The following MIA3 variants were observed in gnomAD, a reference collection of about 807,000 sequenced individuals.
MIA3 encodes transport and Golgi organization protein 1 homolog.
MIA3 carries 90 observed loss-of-function variants against 192.4 expected under a neutral mutation model. The ratio of observed to expected loss-of-function variants is 0.47; its 90% CI spans 0.39 to 0.56. MIA3 has a LOEUF of 0.56. Ranked by LOEUF, MIA3 falls within the 20% of genes least tolerant of loss-of-function variation. The probability of loss-of-function intolerance (pLI) is 0.00; values close to 1 mark genes in which losing one functional copy is unlikely to be tolerated. For missense variants in MIA3, 2,123 were observed against 2,269.4 expected (o/e 0.94, Z 1.31); for synonymous variants, 740 against 792.8 (o/e 0.93, Z 1.12).
At chr1:222,632,405 G>T (rs1662440038) in intron 5 of MIA3, 79 bp downstream of exon 5, 1 of 1,259,942 alleles carries the variant, frequency 7.9e-7, no homozygotes, top group Non-Finnish European at 1.1e-6. Flanking sequence ...TCAAAGGCAG[G>T]AGCTAGAGAC....
intron 6 of MIA3, among the ~76,000 whole-genome samples, chr1:222,634,286 A>G (rs1441079827): frequency 6.6e-6 from 1 of 151,978 alleles, no homozygotes; most frequent in African/African-American, 2.4e-5. Context: ...GTGCCACTGC[A>G]TTCCAGCCTG....
Position 222,632,275 on chromosome 1 carries a change from CA to C in MIA3, c.3281del (p.His1094LeufsTer55). On this transcript the variant is annotated frameshift_variant, in exon 5 of 28. Transcript: ENST00000344922. LOFTEE classifies it high-confidence loss of function. ...GGACCAACGTGTGATTGGGGACACT[CA>C]TGCCTCAGAAGTGTCACAGAAGCCA... ...HLDQRVIGDTHASEVSQKPNT... is the reference protein window; with the variant it reads ...HLDQRVIGDTXASEVSQKPNT... 6.2e-7 allele frequency: 1 copy of C among 1,614,150 alleles called. No homozygotes were observed. The highest frequency in any genetic ancestry group is 8.5e-7 in the Non-Finnish European group (1 of 1,179,978).
chr1:222,659,654 C>T lies in MIA3; in HGVS notation c.4803C>T (p.Asn1601=). ...CCCATGAGAAGAAAGCTCATGAAAA[C>T]TGGGTAAGATTTCTTTTTTTCTTTC... ...IATHEKKAHE[N]WLKARAAERA... is the part of the protein sequence containing the mutation. The change falls in exon 21 of 28, where the codon AAC becomes AAT. Residue 1601 remains asparagine, a synonymous_variant. Coordinates refer to ENST00000344922, the MANE Select transcript of MIA3 (RefSeq NM_198551.4). The T allele has an allele frequency of 6.2e-7, 1 of 1,613,894 alleles. No homozygotes were observed. Among genetic ancestry groups the T allele is most frequent in the Non-Finnish European group, 8.5e-7 (1 of 1,179,888 alleles).
At position 222,653,003 on chromosome 1, in the gene MIA3, T is replaced by A. The variant is rs746822596; in HGVS notation, c.4087-5T>A. The A allele has an allele frequency of 6.2e-7, 1 of 1,608,976 alleles. No homozygotes were observed. Among genetic ancestry groups the A allele is most frequent in the East Asian group, 2.2e-5 (1 of 44,718 alleles). On this transcript the variant is annotated splice_polypyrimidine_tract_variant and splice_region_variant and intron_variant, in intron 13 of 27. Coordinates refer to ENST00000344922, the MANE Select transcript of MIA3 (RefSeq NM_198551.4). ...CTGTGGGAATCATGTGTTTTAACTT[T>A]GCAGTTGCAGCAGGAAATCGAAGAC...
At position 222,659,737 on chromosome 1, in the gene MIA3, A is replaced by C; in HGVS notation, c.4810A>C (p.Lys1604Gln). 6.2e-7 allele frequency: 1 copy of C among 1,614,120 alleles called. No homozygotes were observed. Among genetic ancestry groups the C allele is most frequent in the Middle Eastern group, 1.6e-4 (1 of 6,062 alleles). The change falls in exon 22 of 28, where the codon AAA becomes CAA. Residue 1604 changes from lysine (K) to glutamine (Q), a missense_variant. By Grantham distance (53) the Lys-to-Gln change is moderately conservative (BLOSUM62 1). Transcript: ENST00000344922. ...HEKKAHENWL[K>Q]ARAAERAIAE... ...TTTGGATATTTTTCTTCAATAGCTCAAAGCTCGTGCTGCAGAAAGAGCTAT... is the reference window on the plus strand; with the variant it reads ...TTTGGATATTTTTCTTCAATAGCTCCAAGCTCGTGCTGCAGAAAGAGCTAT...
chr1:222,663,129 A>G (rs1571912537), intron 26 of MIA3: 2 of 152,236 alleles, frequency 1.3e-5, no homozygotes, highest in South Asian at 4.1e-4. Flanking sequence ...ATAGGAAGTG[A>G]TTAATCAGTA....
chr1:222,662,758 C>G (rs1466009762), intron 26 of MIA3: 1 of 170,960 alleles, frequency 5.8e-6, no homozygotes, highest in African/African-American at 2.4e-5. Context: ...GTGTTTAATG[C>G]TCTTAGGCAA....
At chr1:222,663,074 A>G (rs1664105215) in intron 26 of MIA3, 1 of 152,258 alleles carries the variant, frequency 6.6e-6, no homozygotes, top group African/African-American at 2.4e-5. Context: ...TCGACATTGA[A>G]ATTAAAATAA....
At chr1:222,642,037 G>A (rs1230659677) in intron 6 of MIA3, among the ~76,000 whole-genome samples, 7 of 152,214 alleles carry the variant, frequency 4.6e-5, no homozygotes, top group Non-Finnish European at 1.5e-5. Flanking sequence ...AGAGAAGCCA[G>A]AGAAAATATA....
At chr1:222,635,264 G>A in intron 6 of MIA3, among the ~76,000 whole-genome samples, 1 of 152,154 alleles carries the variant, frequency 6.6e-6, no homozygotes, top group Non-Finnish European at 1.5e-5. Context: ...AAATTTAACA[G>A]CCCCAGTTGT....
chr1:222,659,873 C>T, intron 22 of MIA3, 33 bp from the exon 23 acceptor site: 1 of 1,595,970 alleles, frequency 6.3e-7, no homozygotes, highest in Non-Finnish European at 8.6e-7. Context: ...TCATATTTAA[C>T]TCTTTCTTAA....
At chr1:222,624,747 T>G (rs986735282) in intron 2 of MIA3, 21 bp from the exon 3 acceptor site, 1 of 1,186,220 alleles carries the variant, frequency 8.4e-7, no homozygotes, top group African/African-American at 1.5e-5. Context: ...ATGTGTCCCT[T>G]TTGCCCATTC....
In MIA3 at chr1:222,624,827, C is replaced by G. The variant is rs1444032352; in HGVS notation, c.327C>G (p.Thr109=). ...TAATCCAGGTAGTTCATGAATATAC[C>G]AAAGAAGAGCTACAAGTTCCAACAG... The part of the protein sequence containing the change: ...KDLIQVVHEY[T]KEELQVPTDE... Residue 109 remains threonine, a synonymous_variant, in exon 3 of 28, where the codon ACC becomes ACG. Coordinates refer to ENST00000344922, the MANE Select transcript of MIA3 (RefSeq NM_198551.4). 1 of 1,596,376 alleles carries G rather than the reference C, an allele frequency of 6.3e-7. No homozygotes were observed. The highest frequency in any genetic ancestry group is 1.3e-5 in the African/African-American group (1 of 74,448).
rs1664311391 is a variant in MIA3, at chr1:222,666,786, C to G, written c.*1167C>G. 1 of 152,064 alleles carries G rather than the reference C, an allele frequency of 6.6e-6. No homozygotes were observed. Among genetic ancestry groups the G allele is most frequent in the South Asian group, 2.1e-4 (1 of 4,828 alleles). The allele number at this position is 152,064 out of a possible 1,614,324, so 9.4% of individuals were successfully genotyped here. ...TATTTAAAAATCAGTAACTAACCAT[C>G]TGGAATTGCACCATACTTAAAGTCT... On this transcript the variant is annotated 3_prime_UTR_variant, in exon 28 of 28. Transcript: ENST00000344922.
intron 18 of MIA3, among the ~76,000 whole-genome samples, chr1:222,655,140 C>G (rs1443214892): frequency 6.6e-6 from 1 of 152,186 alleles, no homozygotes; most frequent in Non-Finnish European, 1.5e-5. Flanking sequence ...ATGTAATTTC[C>G]TTTAAACAGT....
chr1:222,629,117 T>A lies in MIA3; in HGVS notation c.1897T>A (p.Ser633Thr). ...TAAAACTCAAAACCAACCTAGATTCTCCTCTCCAGATGAGATTGATTTGCC... is the reference window on the plus strand; with the variant it reads ...TAAAACTCAAAACCAACCTAGATTCACCTCTCCAGATGAGATTGATTTGCC... ...VLKTQNQPRF[S>T]SPDEIDLPRE... Residue 633 changes from serine (S) to threonine (T), a missense_variant, in exon 4 of 28, where the codon TCC (serine) becomes ACC (threonine). Ser to Thr is a moderately conservative substitution (Grantham distance 58, BLOSUM62 1). Around this residue, in one of 3 missense-constraint regions of MIA3, gnomAD observed 1,357 missense variants for 1,396.1 expected, o/e 0.97. Coordinates refer to ENST00000344922, the MANE Select transcript of MIA3 (RefSeq NM_198551.4). 1 of 1,614,200 alleles carries A rather than the reference T, an allele frequency of 6.2e-7. No individual in the cohort carries two copies. The highest frequency in any genetic ancestry group is 8.5e-7 in the Non-Finnish European group (1 of 1,180,040).
rs755821315 is a variant in MIA3, at chr1:222,653,297, G to T, written c.4279G>T (p.Gly1427Cys). ...ATCTGAATCTGAGGGTCAAAATAAA[G>T]GTGGAAATGATTCAGATGAATTAGC... The part of the protein sequence containing the change: ...CESESEGQNK[G>C]GNDSDELANG... Residue 1427 changes from glycine to cysteine, a missense_variant, in exon 15 of 28, where the codon GGT (glycine) becomes TGT (cysteine). Coordinates refer to ENST00000344922, the MANE Select transcript of MIA3 (RefSeq NM_198551.4). The T allele has an allele frequency of 3.7e-6, 6 of 1,613,962 alleles. No individual in the cohort carries two copies. In the South Asian group the frequency reaches 6.6e-5, roughly 18 times the overall value.
chr1:222,640,046 C>T (rs1386504993), intron 6 of MIA3, among the ~76,000 whole-genome samples: 4 of 151,960 alleles, frequency 2.6e-5, no homozygotes, highest in Non-Finnish European at 5.9e-5. Flanking sequence ...ATTTATATAT[C>T]GTAGCAATGA....
intron 8 of MIA3, among the ~76,000 whole-genome samples, 157 bp downstream of exon 8, chr1:222,649,007 A>G (rs998786498): frequency 1.3e-5 from 2 of 152,180 alleles, no homozygotes; most frequent in African/African-American, 4.8e-5. Context: ...TGTATGATAG[A>G]GTAAATGGTG....
Sources: gnomAD v4.1 joint callset for allele counts (sites outside exome capture counted in the v4.1 genomes callset) on GRCh38, gnomAD v4.1.1 for gene constraint, gnomAD v4.1.1 regional missense constraint, MANE v1.5 for transcripts, NCBI Gene and HGNC (gene_info 2026-07-23, HGNC 2026-07-21) for gene names.